The following DNAH6 variants were observed in gnomAD, a reference collection of about 807,000 sequenced individuals.
The protein encoded by DNAH6 is dynein axonemal heavy chain 6.
Under a neutral mutation model 491.4 loss-of-function variants are expected in DNAH6, and 340 were observed. That is an observed-to-expected ratio of 0.69 (90% CI 0.63 to 0.76). The LOEUF (loss-of-function observed/expected upper bound fraction) is 0.76, where lower values mean the gene tolerates loss of function less well. Among genes scored for constraint, DNAH6 ranks in the 30% least tolerant of loss-of-function variants. The probability of loss-of-function intolerance (pLI) is 0.00; values close to 1 mark genes in which losing one functional copy is unlikely to be tolerated. For synonymous variants in DNAH6, 1,603 were observed against 1,686.1 expected (o/e 0.95, Z 1.21); for missense variants, 4,443 against 4,972.2 (o/e 0.89, Z 3.20).
chr2:84,514,586 A>G (rs1675461731), upstream of DNAH6, among the ~76,000 whole-genome samples: 1 of 152,204 alleles, frequency 6.6e-6, no homozygotes, highest in Non-Finnish European at 1.5e-5. Context: ...CATGTTTGTT[A>G]GCAGTACTTA....
chr2:84,750,068 A>G (rs540772765), intron 63 of DNAH6, among the ~76,000 whole-genome samples: 1 of 152,236 alleles, frequency 6.6e-6, no homozygotes, highest in East Asian at 1.9e-4. Flanking sequence ...ACGCTCACAT[A>G]CATTTATAAT....
At chr2:84,593,654 A>G (rs995036337) in intron 16 of DNAH6, among the ~76,000 whole-genome samples, 7 of 152,186 alleles carry the variant, frequency 4.6e-5, no homozygotes, top group Non-Finnish European at 1.0e-4. Flanking sequence ...AAGACCTAAC[A>G]TATATGTGCA....
chr2:84,461,262 CTG>C, the DNAH6 span, among the ~76,000 whole-genome samples: 11 of 152,316 alleles, frequency 7.2e-5, no homozygotes, highest in Admixed American at 1.3e-4. Flanking sequence ...CTCTGGAAAA[CTG>C]TAATTTTAAG....
At chr2:84,785,208 A>G (rs1025741289) in intron 66 of DNAH6, among the ~76,000 whole-genome samples, 2 of 152,202 alleles carry the variant, frequency 1.3e-5, no homozygotes, top group African/African-American at 4.8e-5. Context: ...CATATGAGGA[A>G]CAAGAGTTGC....
chr2:84,819,074 C>T (rs1191617917), intron 76 of DNAH6, among the ~76,000 whole-genome samples: 3 of 146,710 alleles, frequency 2.0e-5, no homozygotes, highest in East Asian at 1.9e-4. Flanking sequence ...GACCCTGTCT[C>T]GAAAAAAAAA....
chr2:84,642,033 C>A lies in DNAH6; in HGVS notation c.5057C>A (p.Thr1686Lys). ...LQDSNLPKFLTDDALLFSGII... is the reference protein window; with the variant it reads ...LQDSNLPKFLKDDALLFSGII... ...GACTCCAATTTGCCAAAATTTCTAA[C>A]AGATGATGCTCTTCTGTTCAGGTAA... The change falls in exon 33 of 77, where the codon ACA (threonine) becomes AAA (lysine). Residue 1686 changes from threonine to lysine, a missense_variant. Physicochemically the swap from Thr to Lys is moderately conservative, Grantham distance 78. This residue lies in a region of DNAH6 where 2,977 missense variants were observed against 3,296.6 expected (regional missense o/e 0.90). Transcript: ENST00000389394. 1 of 1,550,610 alleles carries A rather than the reference C, an allele frequency of 6.4e-7. No homozygotes were observed. Among genetic ancestry groups the A allele is most frequent in the Non-Finnish European group, 8.7e-7 (1 of 1,146,272 alleles).
chr2:84,762,695 T>C, intron 63 of DNAH6, 60 bp from the exon 64 acceptor site: 1 of 1,280,630 alleles, frequency 7.8e-7, no homozygotes, highest in Non-Finnish European at 1.1e-6. Context: ...AGGAGAAAAT[T>C]AGGATAAAAT....
chr2:84,585,256 G>A (rs1369258916), intron 15 of DNAH6, among the ~76,000 whole-genome samples: 1 of 152,110 alleles, frequency 6.6e-6, no homozygotes. Flanking sequence ...TATCAATAAA[G>A]CATTATGATA....
the DNAH6 span, among the ~76,000 whole-genome samples, chr2:84,490,072 T>G: frequency 1.3e-5 from 2 of 152,140 alleles, no homozygotes; most frequent in Admixed American, 6.5e-5. Context: ...GAACAAAGCA[T>G]TTTTTCAGTT....
rs549377464 is a variant in DNAH6 at position 84,709,391 on chromosome 2, G to T, written c.9097G>T (p.Asp3033Tyr). Residue 3033 changes from aspartate to tyrosine, a missense_variant, in exon 55 of 77, where the codon GAT (aspartate) becomes TAT (tyrosine). Asp to Tyr is a radical substitution (Grantham distance 160). Transcript: ENST00000389394. The stretch of plus-strand genomic sequence containing the variant: ...CTGTCAGTCTCTGGAGATCCCAATC[G>T]ATCCTTCCTTCAGTCTCATTAACAT... Reference protein sequence around the residue: ...QDCQSLEIPIDPSFSLINILG... With the variant: ...QDCQSLEIPIYPSFSLINILG... 15 of 1,551,480 alleles carry T rather than the reference G, an allele frequency of 9.7e-6. No individual in the cohort carries two copies. In the African/African-American group the frequency reaches 1.8e-4, roughly 18 times the overall value.
At position 84,604,362 on chromosome 2, in the gene DNAH6, G is replaced by A. The variant is rs188063631; in HGVS notation, c.2892G>A (p.Arg964=). The part of the protein sequence containing the change: ...KEKLPVIIDL[R]NPTLKARHWA... ...AGCTTCCAGTTATCATTGACTTGAG[G>A]AACCCGACTTTGAAGGCAAGACATT... The change falls in exon 19 of 77, where the codon AGG becomes AGA. Residue 964 remains arginine, a synonymous_variant. Transcript: ENST00000389394. The A allele has an allele frequency of 1.2e-3, 1,940 of 1,552,092 alleles. 4 individuals carry two copies. The highest frequency in any genetic ancestry group is 1.2e-3 in the Non-Finnish European group (1,339 of 1,147,026).
In DNAH6 at chr2:84,705,521, ACT is replaced by A; in HGVS notation, c.8504_8505del (p.Ser2835Ter). 6.5e-7 allele frequency: 1 copy of A among 1,550,244 alleles called. No individual in the cohort carries two copies. The highest frequency in any genetic ancestry group is 8.7e-7 in the Non-Finnish European group (1 of 1,146,392). ...CCATCAGCAAAGCAACTTCTTGGTGACTCTAACTTTCTAAAAAGGCTTTTAGA... is the reference window on the plus strand; with the variant it reads ...CCATCAGCAAAGCAACTTCTTGGTGACTAACTTTCTAAAAAGGCTTTTAGA... On this transcript the variant is annotated frameshift_variant, in exon 52 of 77. Transcript: ENST00000389394. LOFTEE classifies it high-confidence loss of function.
intron 9 of DNAH6, among the ~76,000 whole-genome samples, chr2:84,550,624 GAACTTGCTA>G (rs1679243432): frequency 6.6e-6 from 1 of 152,080 alleles, no homozygotes; most frequent in Non-Finnish European, 1.5e-5. Flanking sequence ...CCTGTCACAG[GAACTTGCTA>G]AAGCTTGCTC....
intron 14 of DNAH6, among the ~76,000 whole-genome samples, chr2:84,583,075 T>C (rs1253111397): frequency 1.3e-5 from 2 of 152,172 alleles, no homozygotes; most frequent in African/African-American, 2.4e-5. Context: ...AACTGGGGTA[T>C]CCCTTGCCAG....
intron 68 of DNAH6, among the ~76,000 whole-genome samples, chr2:84,789,365 C>T (rs1423002155): frequency 6.6e-6 from 1 of 152,220 alleles, no homozygotes; most frequent in Non-Finnish European, 1.5e-5. Flanking sequence ...GGTGCCAAAA[C>T]TCTTACATCC....
chr2:84,807,119 A>G (rs1003779076), intron 71 of DNAH6, among the ~76,000 whole-genome samples: 1 of 152,190 alleles, frequency 6.6e-6, no homozygotes, highest in Non-Finnish European at 1.5e-5. Flanking sequence ...CTGAAGGGGC[A>G]GGAAAACAAT....
At chr2:84,812,979 C>T in intron 73 of DNAH6, 79 bp from the exon 74 acceptor site, 1 of 1,229,696 alleles carries the variant, frequency 8.1e-7, no homozygotes, top group South Asian at 1.3e-5. Flanking sequence ...CTGAGAAACT[C>T]TCCCCAAATA....
chr2:84,744,044 G>A (rs548200913), intron 62 of DNAH6, among the ~76,000 whole-genome samples: 22 of 152,094 alleles, frequency 1.4e-4, no homozygotes, highest in South Asian at 2.1e-4. Context: ...ATGCTTTGTC[G>A]TCTCATACCT....
chr2:84,580,394 C>T (rs1297949000), intron 14 of DNAH6, among the ~76,000 whole-genome samples: 4 of 152,000 alleles, frequency 2.6e-5, no homozygotes, highest in Non-Finnish European at 5.9e-5. Flanking sequence ...AACTTGGTTT[C>T]CTCCTCTCAG....
Sources: allele counts gnomAD v4.1 joint callset (sites outside exome capture counted in the v4.1 genomes callset), GRCh38; gene constraint gnomAD v4.1.1; regional missense constraint gnomAD v4.1.1; transcripts MANE v1.5; gene names NCBI Gene and HGNC (gene_info 2026-07-23, HGNC 2026-07-21).